Variants in DIS3 observed in about 807,000 individuals in gnomAD.
DIS3 encodes the protein exosome complex exonuclease RRP44.
In DIS3, 103 loss-of-function variants were observed where a neutral mutation model predicts 113.0. The ratio of observed to expected loss-of-function variants is 0.91; its 90% CI spans 0.78 to 1.07. DIS3 has a LOEUF of 1.07. Among genes scored for constraint, DIS3 ranks in the 50% least tolerant of loss-of-function variants. The pLI is 0.00. For missense variants in DIS3, 1,121 were observed against 1,167.1 expected (o/e 0.96, Z 0.58); for synonymous variants, 402 against 394.3 (o/e 1.02, Z -0.23).
At position 72,772,699 on chromosome 13, in the gene DIS3, A is replaced by T. The variant is rs747439834; in HGVS notation, c.1380T>A (p.Thr460=). ...CAAATTACTTTCAACTTACCTTTTC[A>T]GTAATGCTCCAGGGCATCTTTGGCA... ...SFLPKMPWSI[T]EKDMKNREDL... is the part of the protein sequence containing the mutation. Residue 460 remains threonine, a synonymous_variant, in exon 9 of 21, where the codon ACT becomes ACA. Transcript: ENST00000377767. 3.7e-6 allele frequency: 6 copies of T among 1,603,570 alleles called. No individual in the cohort carries two copies. In the African/African-American group the frequency reaches 6.7e-5, roughly 18 times the overall value.
Position 72,754,567 on chromosome 13 carries a change from G to T in DIS3, c.*5228C>A, listed in dbSNP as rs1409081451. ...GGCCACCTTAGTTTTCCTTTCTGTTGTATGTAGTAGGAGCAAACTGCCTTT... is the reference window on the plus strand; with the variant it reads ...GGCCACCTTAGTTTTCCTTTCTGTTTTATGTAGTAGGAGCAAACTGCCTTT... On this transcript the variant is annotated 3_prime_UTR_variant, in exon 21 of 21. Transcript: ENST00000377767. The T allele has an allele frequency of 6.6e-6, 1 of 152,136 alleles. No individual in the cohort carries two copies. Among genetic ancestry groups the T allele is most frequent in the Admixed American group, 6.6e-5 (1 of 15,262 alleles). The allele number at this position is 152,136 out of a possible 1,614,324, so 9.4% of individuals were successfully genotyped here. A position where few individuals can be genotyped will look rare whatever the true frequency, so the allele number is the denominator to read the frequency against.
Position 72,759,457 on chromosome 13 carries a change from T to C in DIS3, c.*338A>G, listed in dbSNP as rs9600021. On this transcript the variant is annotated 3_prime_UTR_variant, in exon 21 of 21. Transcript: ENST00000377767. ...AAAGTTTTTTCTTACAAATATTAAA[T>C]AATCAAAGTACTTACGCAAAATTAA... is the stretch of plus-strand genomic sequence containing the variant. 6,880 of 236,496 alleles carry C rather than the reference T, an allele frequency of 0.029. 131 individuals carry two copies. Among genetic ancestry groups the C allele is most frequent in the Non-Finnish European group, 0.042 (5,038 of 120,878 alleles). 14.6% of individuals were successfully genotyped at this position (236,496 alleles called of 1,614,324 possible).
chr13:72,761,646 C>T lies in DIS3; in HGVS notation c.2511G>A (p.Gln837=). The change falls in exon 18 of 21, where the codon CAG becomes CAA. Residue 837 remains glutamine (Q), a splice_region_variant and synonymous_variant. Transcript: ENST00000377767. ...AQRASVAFHT[Q]LFFKSKGIVS... is the part of the protein sequence containing the mutation. The stretch of plus-strand genomic sequence containing the variant: ...AGCAGTATCGACAAAAGGCAAATAC[C>T]TGGGTATGAAAAGCCACTGATGCAC... 2 of 1,586,482 alleles carry T rather than the reference C, an allele frequency of 1.3e-6. No individual in the cohort carries two copies. Among genetic ancestry groups the T allele is most frequent in the South Asian group, 2.4e-5 (2 of 84,100 alleles).
chr13:72,755,929 A>G lies in DIS3; in HGVS notation c.*3866T>C, dbSNP rs1484277457. 1 of 398,444 alleles carries G rather than the reference A, an allele frequency of 2.5e-6. No individual in the cohort carries two copies. Among genetic ancestry groups the G allele is most frequent in the Non-Finnish European group, 4.4e-6 (1 of 226,062 alleles). 24.7% of individuals were successfully genotyped at this position (398,444 alleles called of 1,614,324 possible). A position where few individuals can be genotyped will look rare whatever the true frequency, so the allele number is the denominator to read the frequency against. Reference sequence around the variant, plus strand: ...CTTTCCAGCTCAAACGTGGGTAGGGATGTGGGAGAATAAGAATGTGGGAGA... The same window carrying G: ...CTTTCCAGCTCAAACGTGGGTAGGGGTGTGGGAGAATAAGAATGTGGGAGA... On this transcript the variant is annotated 3_prime_UTR_variant, in exon 21 of 21. Coordinates refer to ENST00000377767, the MANE Select transcript of DIS3 (RefSeq NM_014953.5).
chr13:72,775,016 AT>A, intron 6 of DIS3, among the ~76,000 whole-genome samples, 194 bp downstream of exon 6: 1 of 152,152 alleles, frequency 6.6e-6, no homozygotes, highest in East Asian at 1.9e-4. Context: ...ATTTAAACCC[AT>A]TTATTTGAGC....
chr13:72,761,895 C>A (rs1593835213), intron 17 of DIS3, 28 bp downstream of exon 17: 1 of 1,612,402 alleles, frequency 6.2e-7, no homozygotes, highest in East Asian at 2.2e-5. Flanking sequence ...CATTTTCTAT[C>A]TCCTTTAATT....
In DIS3 at chr13:72,771,068, C is replaced by T; in HGVS notation, c.1670+13G>A. 6.2e-7 allele frequency: 1 copy of T among 1,612,256 alleles called. No homozygotes were observed. The highest frequency in any genetic ancestry group is 8.5e-7 in the Non-Finnish European group (1 of 1,179,164). On this transcript the variant is annotated intron_variant, in intron 12 of 20. Coordinates refer to ENST00000377767, the MANE Select transcript of DIS3 (RefSeq NM_014953.5). Reference sequence around the variant, plus strand: ...TACAATGTCTTCAAGGAAAAAAAACCATGCAGAAATACCTGTCCACGTCAC... The same window carrying T: ...TACAATGTCTTCAAGGAAAAAAAACTATGCAGAAATACCTGTCCACGTCAC...
Position 72,759,672 on chromosome 13 carries a change from C to T in DIS3, c.*123G>A, listed in dbSNP as rs1048218808. On this transcript the variant is annotated 3_prime_UTR_variant, in exon 21 of 21. Coordinates refer to ENST00000377767, the MANE Select transcript of DIS3 (RefSeq NM_014953.5). ...AACTGTTCAATAAAAATGCAGATGTCTGAAATTATTAAAATGTACTTAAAA... is the reference window on the plus strand; with the variant it reads ...AACTGTTCAATAAAAATGCAGATGTTTGAAATTATTAAAATGTACTTAAAA... 7.0e-6 allele frequency: 5 copies of T among 713,426 alleles called. No homozygotes were observed. The Admixed American group carries it at 1.2e-4, about 17-fold the overall frequency. The allele number at this position is 713,426 out of a possible 1,614,324, so 44.2% of individuals were successfully genotyped here.
chr13:72,761,978 G>A lies in DIS3; in HGVS notation c.2287C>T (p.His763Tyr). The A allele has an allele frequency of 6.2e-7, 1 of 1,614,142 alleles. No homozygotes were observed. The highest frequency in any genetic ancestry group is 1.1e-5 in the South Asian group (1 of 91,084). The change falls in exon 17 of 21, where the codon CAT becomes TAT. Residue 763 changes from histidine (H) to tyrosine (Y), a missense_variant. His to Tyr is a moderately conservative substitution (Grantham distance 83, BLOSUM62 2). This residue lies in a region of DIS3 where 861 missense variants were observed against 915.5 expected (regional missense o/e 0.94). Coordinates refer to ENST00000377767, the MANE Select transcript of DIS3 (RefSeq NM_014953.5). ...YFCSGMDNDF[H>Y]HYGLASPIYT... The stretch of plus-strand genomic sequence containing the variant: ...ATTGGAGACGCTAAGCCATAGTGAT[G>A]AAAATCATTATCCATTCCAGAACAG...
intron 15 of DIS3, among the ~76,000 whole-genome samples, chr13:72,764,107 G>A (rs1206785345): frequency 6.6e-6 from 1 of 152,036 alleles, no homozygotes; most frequent in African/African-American, 2.4e-5. Context: ...AGCCGAGATC[G>A]CATCACTGCA....
At position 72,761,448 on chromosome 13, in the gene DIS3, A is replaced by G. The variant is rs760027235; in HGVS notation, c.2585T>C (p.Val862Ala). ...TTCTAAACCATACTTTGGAATTAATACCACAATGGCATTCTTTCTTACAAA... is the reference window on the plus strand; with the variant it reads ...TTCTAAACCATACTTTGGAATTAATGCCACAATGGCATTCTTTCTTACAAA... ...ILFVRKNAIV[V>A]LIPKYGLEGT... Residue 862 changes from valine to alanine, a missense_variant, in exon 19 of 21, where the codon GTA (valine) becomes GCA (alanine). Val to Ala is a moderately conservative substitution (Grantham distance 64). This residue lies in a region of DIS3 where 861 missense variants were observed against 915.5 expected (regional missense o/e 0.94). Transcript: ENST00000377767. 2 of 1,611,450 alleles carry G rather than the reference A, an allele frequency of 1.2e-6. No individual in the cohort carries two copies. Among genetic ancestry groups the G allele is most frequent in the Admixed American group, 3.4e-5 (2 of 59,324 alleles).
chr13:72,777,364 A>G, intron 4 of DIS3, 56 bp downstream of exon 4: 1 of 1,549,686 alleles, frequency 6.5e-7, no homozygotes, highest in East Asian at 2.3e-5. Flanking sequence ...TATGCCTAAT[A>G]TTCCAAAGTG....
chr13:72,761,501 T>C lies in DIS3; in HGVS notation c.2532A>G (p.Gly844=). The C allele has an allele frequency of 1.3e-6, 2 of 1,585,142 alleles. 1 individual carries two copies. Among genetic ancestry groups the C allele is most frequent in the South Asian group, 2.4e-5 (2 of 84,652 alleles). The part of the protein sequence containing the change: ...FHTQLFFKSK[G]IVSEEAYILF... Reference sequence around the variant, plus strand: ...AAATATAGGCTTCTTCACTTACTATTCCTTTGCTTTTGAAGAATAACTGTA... The same window carrying C: ...AAATATAGGCTTCTTCACTTACTATCCCTTTGCTTTTGAAGAATAACTGTA... Residue 844 remains glycine (G), a synonymous_variant, in exon 19 of 21, where the codon GGA becomes GGG. Transcript: ENST00000377767.
intron 1 of DIS3, chr13:72,781,282 C>G: frequency 6.4e-7 from 1 of 1,551,264 alleles, no homozygotes; most frequent in East Asian, 2.4e-5. Flanking sequence ...TGTTCCTAGG[C>G]ACTTACAAGC....
chr13:72,781,600 C>A lies in DIS3; in HGVS notation c.228+5G>T. 1 of 1,498,992 alleles carries A rather than the reference C, an allele frequency of 6.7e-7. No individual in the cohort carries two copies. The highest frequency in any genetic ancestry group is 1.3e-5 in the South Asian group (1 of 77,982). The allele number at this position is 1,498,992 out of a possible 1,614,324, so 92.9% of individuals were successfully genotyped here. The stretch of plus-strand genomic sequence containing the variant: ...GCGCTGTCCGCGGTTCGCCCGCCCA[C>A]GCACCTGGTGCAGTAACACATTAGT... On this transcript the variant is annotated splice_donor_5th_base_variant and intron_variant, in intron 1 of 20. Coordinates refer to ENST00000377767, the MANE Select transcript of DIS3 (RefSeq NM_014953.5).
In DIS3 at chr13:72,781,846, G is replaced by A. The variant is rs778228559; in HGVS notation, c.-14C>T. On this transcript the variant is annotated 5_prime_UTR_variant, in exon 1 of 21. Transcript: ENST00000377767. ...GGACTTGAGCATCTTGCCTCGCCGC[G>A]CAGAATCCTAACCCCAGCAGCGCTC... 21 of 1,562,068 alleles carry A rather than the reference G, an allele frequency of 1.3e-5. No individual in the cohort carries two copies. Among genetic ancestry groups the A allele is most frequent in the Non-Finnish European group, 1.8e-5 (21 of 1,150,140 alleles).
At chr13:72,761,304 T>A in intron 19 of DIS3, 59 bp downstream of exon 19, 1 of 1,555,444 alleles carries the variant, frequency 6.4e-7, no homozygotes, top group Non-Finnish European at 8.6e-7. Context: ...GTACCATTTA[T>A]GAACTCTCAA....
At chr13:72,764,541 G>T (rs1040366974) in intron 15 of DIS3, among the ~76,000 whole-genome samples, 5 of 152,080 alleles carry the variant, frequency 3.3e-5, no homozygotes, top group African/African-American at 1.2e-4. Context: ...ATGAGAATTT[G>T]AGTCCACACA....
chr13:72,780,785 C>T (rs901348291), intron 2 of DIS3, 61 bp downstream of exon 2: 3 of 1,464,478 alleles, frequency 2.0e-6, no homozygotes, highest in African/African-American at 1.4e-5. Flanking sequence ...CTCACAGGAA[C>T]CCTCTCCCGA....
Sources: allele counts gnomAD v4.1 joint callset (sites outside exome capture counted in the v4.1 genomes callset), GRCh38; gene constraint gnomAD v4.1.1; regional missense constraint gnomAD v4.1.1; transcripts MANE v1.5; gene names NCBI Gene and HGNC (gene_info 2026-07-23, HGNC 2026-07-21).